The following LRIG1 variants were observed in gnomAD, a reference collection of about 807,000 sequenced individuals.
LRIG1 encodes leucine rich repeats and immunoglobulin like domains 1.
In LRIG1, 48 loss-of-function variants were observed where a neutral mutation model predicts 99.2. That is an observed-to-expected ratio of 0.48 (90% CI 0.38 to 0.62). The LOEUF is 0.62. Among genes scored for constraint, LRIG1 ranks in the 20% least tolerant of loss-of-function variants. The pLI, the probability that LRIG1 is intolerant of heterozygous loss-of-function variation, is 0.00. For synonymous variants in LRIG1, 772 were observed against 596.1 expected, an observed-to-expected ratio of 1.29 and a Z score of -4.30; for missense variants, 1,646 against 1,434.4, an observed-to-expected ratio of 1.15 and a Z score of -2.38.
At position 66,380,626 on chromosome 3, in the gene LRIG1, T is replaced by C. The variant is rs910810891; in HGVS notation, c.3006A>G (p.Arg1002=). 2 of 1,614,150 alleles carry C rather than the reference T, an allele frequency of 1.2e-6. No individual in the cohort carries two copies. Among genetic ancestry groups the C allele is most frequent in the Non-Finnish European group, 1.7e-6 (2 of 1,180,016 alleles). Residue 1002 remains arginine (R), a synonymous_variant, in exon 18 of 19, where the codon AGA becomes AGG. Transcript: ENST00000273261. ...QGSLYPSNHD[R]MLTAVKKKPM... ...GCTTTTTCTTCACAGCCGTCAGCAT[T>C]CTATCGTGGTTACTGGGGTAGAGCG...
At chr3:66,390,353 AATT>A (rs1460685115) in intron 12 of LRIG1, among the ~76,000 whole-genome samples, 3 of 152,240 alleles carry the variant, frequency 2.0e-5, no homozygotes, top group African/African-American at 7.2e-5. Context: ...CCAAAAGTGA[AATT>A]AAGGATTTCA....
At position 66,415,059 on chromosome 3, in the gene LRIG1, G is replaced by A. The variant is rs1460750320; in HGVS notation, c.508C>T (p.Leu170=). 4 of 1,594,698 alleles carry A rather than the reference G, an allele frequency of 2.5e-6. No individual in the cohort carries two copies. Among genetic ancestry groups the A allele is most frequent in the Non-Finnish European group, 3.4e-6 (4 of 1,172,372 alleles). Residue 170 remains leucine (L), a synonymous_variant, in exon 5 of 19, where the codon CTG becomes TTG. Transcript: ENST00000273261. ...PHGPPIKELN[L]AGNRIGTLEL... The stretch of plus-strand genomic sequence containing the variant: ...AGGGTGCCAATCCGATTGCCTGCCA[G>A]GTTGCTGGAATGATTCAGAAAAGAA...
chr3:66,475,096 A>G (rs1309909127), intron 1 of LRIG1, among the ~76,000 whole-genome samples: 2 of 152,220 alleles, frequency 1.3e-5, no homozygotes, highest in Non-Finnish European at 2.9e-5. Flanking sequence ...AAGATCAGCT[A>G]CATTGAGGCA....
chr3:66,407,624 C>T, intron 7 of LRIG1, 133 bp from the exon 8 acceptor site: 27 of 754,926 alleles, frequency 3.6e-5, no homozygotes, highest in Non-Finnish European at 5.1e-5. Flanking sequence ...CGCGTGCGTG[C>T]ACACACACAC....
intron 3 of LRIG1, among the ~76,000 whole-genome samples, chr3:66,428,783 C>G (rs1045335551): frequency 1.3e-5 from 2 of 152,234 alleles, no homozygotes; most frequent in African/African-American, 2.4e-5. Context: ...ACTCAAAGAA[C>G]TGCTGTCTCG....
chr3:66,382,774 T>TGTGA (rs1701157718), intron 15 of LRIG1, among the ~76,000 whole-genome samples: 1 of 151,714 alleles, frequency 6.6e-6, no homozygotes, highest in African/African-American at 2.4e-5. Context: ...TACTTGTATT[T>TGTGA]GTGAGTATTC....
At chr3:66,451,305 G>A (rs1488920600) in intron 3 of LRIG1, among the ~76,000 whole-genome samples, 2 of 143,396 alleles carry the variant, frequency 1.4e-5, no homozygotes, top group African/African-American at 5.2e-5. Context: ...ATACCTCTGC[G>A]CATTAAAAAA....
At chr3:66,392,800 G>T (rs905745587) in intron 12 of LRIG1, among the ~76,000 whole-genome samples, 4 of 152,050 alleles carry the variant, frequency 2.6e-5, no homozygotes, top group African/African-American at 9.7e-5. Context: ...TTTGAGGGAG[G>T]TCTATAAACA....
At chr3:66,405,762 G>C (rs1702246912) in intron 8 of LRIG1, 2 of 1,168,080 alleles carry the variant, frequency 1.7e-6, no homozygotes, top group South Asian at 1.7e-5. Context: ...CCAGCCAGTG[G>C]GTCTGGAGCC....
At chr3:66,395,095 C>A (rs766238606) in intron 11 of LRIG1, among the ~76,000 whole-genome samples, 1 of 152,196 alleles carries the variant, frequency 6.6e-6, no homozygotes, top group Non-Finnish European at 1.5e-5. Flanking sequence ...AGTCTAGCTG[C>A]CTTGTTCCTG....
At chr3:66,495,595 T>C (rs1448044405) in intron 1 of LRIG1, among the ~76,000 whole-genome samples, 1 of 152,196 alleles carries the variant, frequency 6.6e-6, no homozygotes, top group Non-Finnish European at 1.5e-5. Flanking sequence ...ACAACCAACA[T>C]CCTTTACTGC....
intron 12 of LRIG1, chr3:66,387,693 C>T (rs913405593): frequency 1.3e-5 from 2 of 151,982 alleles, no homozygotes; most frequent in Non-Finnish European, 2.9e-5. Context: ...AAGCAGTCAA[C>T]AGAAACTGTC....
rs1575741263 is a variant in LRIG1 at position 66,500,466 on chromosome 3, C to G, written c.-59G>C. On this transcript the variant is annotated 5_prime_UTR_variant, in exon 1 of 19. Transcript: ENST00000273261. Reference sequence around the variant, plus strand: ...GGGACTGTGAGGACCCGAACGGCCGCAGACGCGGGCGGGCCCGCGGGGCGC... The same window carrying G: ...GGGACTGTGAGGACCCGAACGGCCGGAGACGCGGGCGGGCCCGCGGGGCGC... 3.7e-6 allele frequency: 4 copies of G among 1,084,022 alleles called. No individual in the cohort carries two copies. The South Asian group carries it at 1.0e-4, about 28-fold the overall frequency. 67.2% of individuals were successfully genotyped at this position (1,084,022 alleles called of 1,614,324 possible). A position where few individuals can be genotyped will look rare whatever the true frequency, so the allele number is the denominator to read the frequency against.
intron 3 of LRIG1, among the ~76,000 whole-genome samples, chr3:66,434,773 A>C (rs992607202): frequency 6.6e-6 from 1 of 151,438 alleles, no homozygotes; most frequent in Admixed American, 6.6e-5. Flanking sequence ...AAAAAAAAAA[A>C]ACACACCACC....
At chr3:66,442,447 G>GA (rs1703571263) in intron 3 of LRIG1, among the ~76,000 whole-genome samples, 1 of 152,100 alleles carries the variant, frequency 6.6e-6, no homozygotes, top group African/African-American at 2.4e-5. Flanking sequence ...AAGTGAGGAG[G>GA]GGGAGGAGGA....
At chr3:66,382,539 A>G in intron 15 of LRIG1, 141 bp from the exon 16 acceptor site, 2 of 963,078 alleles carry the variant, frequency 2.1e-6, no homozygotes, top group East Asian at 2.4e-5. Flanking sequence ...GAGTCCATGT[A>G]CGCAACAGGC....
At chr3:66,472,881 G>A (rs964509371) in intron 1 of LRIG1, among the ~76,000 whole-genome samples, 4 of 152,020 alleles carry the variant, frequency 2.6e-5, no homozygotes, top group African/African-American at 4.8e-5. Context: ...GGAAAGGATC[G>A]GACATTTTGG....
At chr3:66,427,359 A>G (rs1345688987) in intron 3 of LRIG1, among the ~76,000 whole-genome samples, 6 of 152,274 alleles carry the variant, frequency 3.9e-5, no homozygotes, top group African/African-American at 1.4e-4. Context: ...AGACTATCTG[A>G]GACCCTCATA....
chr3:66,449,226 C>G (rs893554008), intron 3 of LRIG1, among the ~76,000 whole-genome samples: 1 of 152,186 alleles, frequency 6.6e-6, no homozygotes, highest in African/African-American at 2.4e-5. Context: ...TGTCATGCTG[C>G]TAACCTAACT....
Sources: gnomAD v4.1 joint callset for allele counts (sites outside exome capture counted in the v4.1 genomes callset) on GRCh38, gnomAD v4.1.1 for gene constraint, MANE v1.5 for transcripts, NCBI Gene and HGNC (gene_info 2026-07-23, HGNC 2026-07-21) for gene names.